The following TCF7L1 variants were observed in gnomAD, a reference collection of about 807,000 sequenced individuals.
TCF7L1 encodes transcription factor 7 like 1.
Under a neutral mutation model 63.7 loss-of-function variants are expected in TCF7L1, and 18 were observed. The ratio of observed to expected loss-of-function variants is 0.28; its 90% CI spans 0.20 to 0.42. The LOEUF is 0.42. Among genes scored for constraint, TCF7L1 ranks in the 10% least tolerant of loss-of-function variants. The probability of loss-of-function intolerance (pLI) is 1.00; values close to 1 mark genes in which losing one functional copy is unlikely to be tolerated. For missense variants in TCF7L1, 654 were observed against 779.3 expected, an observed-to-expected ratio of 0.84 and a Z score of 1.91; for synonymous variants, 355 against 340.9, an observed-to-expected ratio of 1.04 and a Z score of -0.46.
At chr2:85,179,727 G>C (rs1455697025) in intron 3 of TCF7L1, among the ~76,000 whole-genome samples, 1 of 151,434 alleles carries the variant, frequency 6.6e-6, no homozygotes, top group Non-Finnish European at 1.5e-5. Context: ...GGGCTGGTAC[G>C]GGGAGGGCCC....
intron 3 of TCF7L1, among the ~76,000 whole-genome samples, chr2:85,186,036 G>A (rs892994522): frequency 2.1e-5 from 3 of 142,008 alleles, no homozygotes; most frequent in Non-Finnish European, 3.0e-5. Context: ...GTGCAATCTC[G>A]GCTCACTGCA....
intron 3 of TCF7L1, among the ~76,000 whole-genome samples, chr2:85,160,711 C>T (rs1419286975): frequency 6.6e-6 from 1 of 151,462 alleles, no homozygotes; most frequent in Non-Finnish European, 1.5e-5. Flanking sequence ...AAAAATTAGC[C>T]AGGTGTGGTA....
In TCF7L1 at chr2:85,143,645, G is replaced by A. The variant is rs1677797911; in HGVS notation, c.441+9195G>A. ...ATGGCGCCAAGATTTGAACTTGGTT[G>A]TGAGTCCAAAGTCTAGGTCTCCCAT... On this transcript the variant is annotated intron_variant, in intron 3 of 11. Coordinates refer to ENST00000282111, the MANE Select transcript of TCF7L1 (RefSeq NM_031283.3). 2.0e-5 allele frequency among the ~76,000 whole-genome samples: 3 copies of A among 152,328 alleles called. No individual in the cohort carries two copies. The South Asian group carries it at 6.2e-4, about 32-fold the overall frequency.
rs943898461 is a variant in TCF7L1, at chr2:85,166,508, G to A, written c.441+32058G>A. Reference sequence around the variant, plus strand: ...GATGCCCTGACTAGACCTGGGTGGCGTGGTAAGGGTTGTAGGGTAAGGTCT... The same window carrying A: ...GATGCCCTGACTAGACCTGGGTGGCATGGTAAGGGTTGTAGGGTAAGGTCT... On this transcript the variant is annotated intron_variant, in intron 3 of 11. Transcript: ENST00000282111. Among the ~76,000 whole-genome samples, 9 of 152,226 alleles carry A rather than the reference G, an allele frequency of 5.9e-5. No homozygotes were observed. The East Asian group carries it at 7.7e-4, about 13-fold the overall frequency.
intron 3 of TCF7L1, among the ~76,000 whole-genome samples, chr2:85,150,642 G>T (rs992704084): frequency 6.6e-6 from 1 of 151,804 alleles, no homozygotes; most frequent in Non-Finnish European, 1.5e-5. Context: ...TACATTTTGG[G>T]CAGGAAAGAT....
chr2:85,229,181 C>CT (rs1680020746), intron 3 of TCF7L1, among the ~76,000 whole-genome samples: 1 of 151,774 alleles, frequency 6.6e-6, no homozygotes, highest in Non-Finnish European at 1.5e-5. Flanking sequence ...CCTGTCTCTA[C>CT]TGAAAATACA....
chr2:85,219,934 G>T (rs1304586495), intron 3 of TCF7L1, among the ~76,000 whole-genome samples: 1 of 152,174 alleles, frequency 6.6e-6, no homozygotes, highest in Middle Eastern at 3.2e-3. Flanking sequence ...ATGTGTTTGT[G>T]TGAATACATA....
At position 85,283,395 on chromosome 2, in the gene TCF7L1, A is replaced by G. The variant is rs1021609694; in HGVS notation, c.442-100A>G. 96 of 1,278,308 alleles carry G rather than the reference A, an allele frequency of 7.5e-5. 1 individual carries two copies. Among genetic ancestry groups the G allele is most frequent in the South Asian group, 3.3e-4 (28 of 83,776 alleles). 79.2% of individuals were successfully genotyped at this position (1,278,308 alleles called of 1,614,324 possible). Reference sequence around the variant, plus strand: ...TGGCATGAAAATGCAGGCCACCCCAATGGCCTGCCCCGGTGCCCTAACAGC... The same window carrying G: ...TGGCATGAAAATGCAGGCCACCCCAGTGGCCTGCCCCGGTGCCCTAACAGC... On this transcript the variant is annotated intron_variant, in intron 3 of 11. Coordinates refer to ENST00000282111, the MANE Select transcript of TCF7L1 (RefSeq NM_031283.3).
At chr2:85,146,204 C>T (rs922486324) in intron 3 of TCF7L1, among the ~76,000 whole-genome samples, 3 of 152,224 alleles carry the variant, frequency 2.0e-5, no homozygotes, top group African/African-American at 7.2e-5. Context: ...TCTTGTGCAT[C>T]TGATATTATC....
intron 4 of TCF7L1, among the ~76,000 whole-genome samples, chr2:85,287,295 G>A (rs963933653): frequency 6.6e-6 from 1 of 152,152 alleles, no homozygotes; most frequent in Non-Finnish European, 1.5e-5. Context: ...TCAGTTGTTT[G>A]TCTTTTTGAA....
chr2:85,178,175 A>G (rs1678722045), intron 3 of TCF7L1, among the ~76,000 whole-genome samples: 1 of 152,240 alleles, frequency 6.6e-6, no homozygotes, highest in South Asian at 2.1e-4. Context: ...TAGAGGGGAA[A>G]GGAGTAAGCT....
chr2:85,145,786 A>T, intron 3 of TCF7L1, among the ~76,000 whole-genome samples: 1 of 152,208 alleles, frequency 6.6e-6, no homozygotes, highest in East Asian at 1.9e-4. Context: ...ATCTTCTACC[A>T]CTCAGGGAAG....
chr2:85,295,435 A>G (rs1462601123), intron 4 of TCF7L1, among the ~76,000 whole-genome samples: 1 of 152,164 alleles, frequency 6.6e-6, no homozygotes, highest in African/African-American at 2.4e-5. Context: ...TCCCGACCTC[A>G]GGTGATCTGC....
At chr2:85,260,738 T>C (rs539592951) in intron 3 of TCF7L1, among the ~76,000 whole-genome samples, 62 of 151,788 alleles carry the variant, frequency 4.1e-4, no homozygotes, top group Non-Finnish European at 7.8e-4. Context: ...AATGAACATA[T>C]GTTGAATAAT....
intron 3 of TCF7L1, among the ~76,000 whole-genome samples, chr2:85,277,117 G>T (rs1022481742): frequency 1.3e-5 from 2 of 152,022 alleles, no homozygotes; most frequent in African/African-American, 4.8e-5. Flanking sequence ...GGGATTGCTG[G>T]TGAGTTTGGG....
chr2:85,190,812 T>C (rs1231306061), intron 3 of TCF7L1, among the ~76,000 whole-genome samples: 1 of 152,098 alleles, frequency 6.6e-6, no homozygotes, highest in Non-Finnish European at 1.5e-5. Flanking sequence ...CACGTATGAG[T>C]GGTAAGTGCT....
intron 3 of TCF7L1, among the ~76,000 whole-genome samples, chr2:85,238,913 G>A (rs546556921): frequency 2.7e-4 from 41 of 151,728 alleles, no homozygotes; most frequent in African/African-American, 9.7e-4. Flanking sequence ...TCCGCCTCCC[G>A]AGGTCAAGCA....
chr2:85,239,727 G>A (rs558865585), intron 3 of TCF7L1, among the ~76,000 whole-genome samples: 79 of 152,276 alleles, frequency 5.2e-4, no homozygotes, highest in South Asian at 4.4e-3. Context: ...CAGATCACTT[G>A]AGGTCAGGAG....
intron 4 of TCF7L1, among the ~76,000 whole-genome samples, chr2:85,284,034 G>A (rs1471758741): frequency 6.6e-6 from 1 of 151,910 alleles, no homozygotes; most frequent in Non-Finnish European, 1.5e-5. Flanking sequence ...TTTTTGAGAC[G>A]GAGTCTCGCT....
Sources: allele counts gnomAD v4.1 joint callset (sites outside exome capture counted in the v4.1 genomes callset), GRCh38; gene constraint gnomAD v4.1.1; transcripts MANE v1.5; gene names NCBI Gene and HGNC (gene_info 2026-07-23, HGNC 2026-07-21).